Variants in RBM41 observed in about 807,000 individuals in gnomAD.
RBM41 encodes RNA binding motif protein 41, also known as RNA-binding protein 41.
RBM41 carries 14 observed loss-of-function variants against 30.8 expected under a neutral mutation model. The observed-to-expected ratio is 0.45, with a 90% confidence interval of 0.30 to 0.71. The LOEUF (loss-of-function observed/expected upper bound fraction) is 0.71. Among genes scored for constraint, RBM41 ranks in the 30% least tolerant of loss-of-function variants. The pLI, the probability that RBM41 is intolerant of heterozygous loss-of-function variation, is 0.08. For missense variants in RBM41, 276 were observed against 326.3 expected (o/e 0.85, Z 1.19); for synonymous variants, 120 against 110.1 (o/e 1.09, Z -0.56).
chrX:107,068,812 A>G (rs1302237762), intron 7 of RBM41, among the ~76,000 whole-genome samples: 1 of 112,453 alleles, frequency 8.9e-6, no homozygotes, highest in African/African-American at 3.2e-5. Flanking sequence ...TATGCAAATA[A>G]TATTTAGAAG....
At chrX:107,088,019 T>A (rs142336231) in intron 6 of RBM41, among the ~76,000 whole-genome samples, 314 of 112,341 alleles carry the variant, frequency 2.8e-3, no homozygotes, top group Non-Finnish European at 4.8e-3. Flanking sequence ...AAGACTCATG[T>A]GGTAGCATAT....
intron 5 of RBM41, among the ~76,000 whole-genome samples, chrX:107,091,818 A>G (rs1425455007): frequency 8.9e-6 from 1 of 111,985 alleles, no homozygotes; most frequent in African/African-American, 3.2e-5. Context: ...TGTCCTGGAG[A>G]TAGTTCCATG....
chrX:107,112,673 T>A (rs1200066718), intron 5 of RBM41, among the ~76,000 whole-genome samples: 1 of 111,946 alleles, frequency 8.9e-6, no homozygotes, highest in Non-Finnish European at 1.9e-5. Flanking sequence ...AACTTTGGAA[T>A]GTCCATATGA....
At chrX:107,098,988 CTT>C (rs758398518) in intron 5 of RBM41, among the ~76,000 whole-genome samples, 1 of 108,984 alleles carries the variant, frequency 9.2e-6, no homozygotes, top group South Asian at 4.1e-4. Flanking sequence ...GGGGAAGACT[CTT>C]TGTCTCAGAA....
intron 6 of RBM41, among the ~76,000 whole-genome samples, chrX:107,085,736 GT>G (rs1429129210): frequency 9.0e-6 from 1 of 111,683 alleles, no homozygotes; most frequent in Non-Finnish European, 1.9e-5. Context: ...TGTTATGTCT[GT>G]TTTTATAAAC....
intron 5 of RBM41, among the ~76,000 whole-genome samples, chrX:107,108,061 T>C (rs1924163957): frequency 8.9e-6 from 1 of 111,782 alleles, no homozygotes; most frequent in South Asian, 3.7e-4. Context: ...AATAAATCTT[T>C]TCCAATCACA....
At chrX:107,077,074 G>A (rs1485850756) in intron 6 of RBM41, among the ~76,000 whole-genome samples, 2 of 111,774 alleles carry the variant, frequency 1.8e-5, no homozygotes, top group Non-Finnish European at 3.8e-5. Context: ...AGGGGTATGT[G>A]AAAACAAACT....
intron 5 of RBM41, chrX:107,112,809 C>T: frequency 3.1e-6 from 1 of 324,517 alleles, no homozygotes; most frequent in Middle Eastern, 4.5e-4. Flanking sequence ...ATTCCATTTA[C>T]ATGACATTTT....
intron 6 of RBM41, among the ~76,000 whole-genome samples, chrX:107,086,704 C>T (rs763086960): frequency 1.2e-4 from 13 of 111,619 alleles, no homozygotes; most frequent in Non-Finnish European, 2.3e-4. Flanking sequence ...TAATTGTAAT[C>T]TAAGTTTGAA....
chrX:107,106,952 T>C (rs896905053), intron 5 of RBM41, among the ~76,000 whole-genome samples: 4 of 110,554 alleles, frequency 3.6e-5, no homozygotes, highest in African/African-American at 1.3e-4. Context: ...TACACCAACA[T>C]GGCACATGTA....
intron 6 of RBM41, among the ~76,000 whole-genome samples, chrX:107,078,160 A>G (rs1456453485): frequency 8.9e-6 from 1 of 111,767 alleles, no homozygotes; most frequent in Admixed American, 9.5e-5. Context: ...AATCAATATG[A>G]TTCATCAATA....
intron 6 of RBM41, among the ~76,000 whole-genome samples, chrX:107,081,861 C>T (rs756333897): frequency 1.8e-5 from 2 of 111,840 alleles, no homozygotes; most frequent in African/African-American, 3.2e-5. Flanking sequence ...ACCTTGTAAC[C>T]TCCAAGCTAT....
At chrX:107,053,191 T>C in the RBM41 span, among the ~76,000 whole-genome samples, 1 of 113,506 alleles carries the variant, frequency 8.8e-6, no homozygotes, top group Admixed American at 9.3e-5. Context: ...TACTCTTTTG[T>C]TGTGGGGCTT....
intron 5 of RBM41, among the ~76,000 whole-genome samples, chrX:107,104,437 T>G: frequency 9.0e-6 from 1 of 111,461 alleles, no homozygotes; most frequent in South Asian, 3.8e-4. Context: ...TCATCTTTTC[T>G]GTGTGTTTGA....
rs372334228 is a variant in RBM41 at position 107,069,130 on chromosome X, C to T, written c.1147+125G>A. On this transcript the variant is annotated intron_variant, in intron 7 of 7. Coordinates refer to ENST00000685964, the MANE Select transcript of RBM41 (RefSeq NM_001324242.2). ...AAAGAAACACTGAAAACATATTTTT[C>T]GTTCATTGTCTTGTTCTCACATGCT... 73 of 617,074 alleles carry T rather than the reference C, an allele frequency of 1.2e-4. No homozygotes were observed. The South Asian group carries it at 1.7e-3, about 14-fold the overall frequency. The allele number at this position is 617,074 out of a possible 1,213,427, so 50.9% of individuals were successfully genotyped here. A position where few individuals can be genotyped will look rare whatever the true frequency, so the allele number is the denominator to read the frequency against.
chrX:107,110,591 C>T (rs182435653), intron 5 of RBM41, among the ~76,000 whole-genome samples: 37 of 111,380 alleles, frequency 3.3e-4, no homozygotes, highest in African/African-American at 1.2e-3. Context: ...ATAGAAAAAT[C>T]CATTCTAAAA....
At chrX:107,059,983 G>C (rs1935614064), downstream of RBM41, among the ~76,000 whole-genome samples, 5 of 110,797 alleles carry the variant, frequency 4.5e-5, no homozygotes, top group Admixed American at 4.8e-4. Flanking sequence ...ATTAATTCCA[G>C]TGCTAGGGTA....
In RBM41 at chrX:107,067,604, T is replaced by C. The variant is rs779461197; in HGVS notation, c.1237A>G (p.Lys413Glu). The change falls in exon 8 of 8, where the codon AAG becomes GAG. Residue 413 changes from lysine to glutamate, a missense_variant. Transcript: ENST00000685964. ...GTCGCTTGGAGATTTGACCGTTGCTTTTTGTTCTTTCCAAACTCTATCACC... is the reference window on the plus strand; with the variant it reads ...GTCGCTTGGAGATTTGACCGTTGCTCTTTGTTCTTTCCAAACTCTATCACC... ...ILVIEFGKNK[K>E]QRSNLQATSL... The C allele has an allele frequency of 1.7e-6, 2 of 1,211,111 alleles. No homozygotes were observed. The highest frequency in any genetic ancestry group is 2.2e-6 in the Non-Finnish European group (2 of 895,021).
In RBM41 at chrX:107,104,089, C is replaced by T. The variant is rs191948673; in HGVS notation, c.595+9308G>A. 8.3e-4 allele frequency among the ~76,000 whole-genome samples: 91 copies of T among 110,238 alleles called. No individual in the cohort carries two copies. In the East Asian group the frequency reaches 9.4e-3, roughly 11 times the overall value. On this transcript the variant is annotated intron_variant, in intron 5 of 7. Transcript: ENST00000685964. ...TGTTTTCCCCGCTCCCCTCCCCTACCCCCCCGCCAGAGACCTGGTTGTTAA... is the reference window on the plus strand; with the variant it reads ...TGTTTTCCCCGCTCCCCTCCCCTACTCCCCCGCCAGAGACCTGGTTGTTAA...
Sources: allele counts gnomAD v4.1 joint callset (sites outside exome capture counted in the v4.1 genomes callset), GRCh38; gene constraint gnomAD v4.1.1; transcripts MANE v1.5; gene names NCBI Gene and HGNC (gene_info 2026-07-23, HGNC 2026-07-21).